Variants in RYR2 observed in about 807,000 individuals in gnomAD.
The protein encoded by RYR2 is cardiac muscle ryanodine receptor-calcium release channel.
RYR2 carries 227 observed loss-of-function variants against 601.1 expected under a neutral mutation model. That is an observed-to-expected ratio of 0.38 (90% CI 0.34 to 0.42). RYR2 has a LOEUF of 0.42. Ranked by LOEUF, RYR2 falls within the 10% of genes least tolerant of loss-of-function variation. The pLI, the probability that RYR2 is intolerant of heterozygous loss-of-function variation, is 1.00. For synonymous variants in RYR2, 2,223 were observed against 2,175.1 expected (o/e 1.02, Z -0.61); for missense variants, 4,646 against 6,156.5 (o/e 0.75, Z 8.21).
At chr1:237,099,604 G>A (rs1667859321) in intron 1 of RYR2, among the ~76,000 whole-genome samples, 1 of 152,160 alleles carries the variant, frequency 6.6e-6, no homozygotes, top group Non-Finnish European at 1.5e-5. Flanking sequence ...AGGGCATAAT[G>A]TACAAGGAAA....
At chr1:237,589,706 C>T (rs1674934034) in intron 29 of RYR2, 87 bp from the exon 30 acceptor site, 11 of 1,299,814 alleles carry the variant, frequency 8.5e-6, no homozygotes, top group South Asian at 1.3e-5. Context: ...TCACAAAGTT[C>T]GGTCCTGGAA....
chr1:237,749,838 A>C (rs1449586140), intron 80 of RYR2, among the ~76,000 whole-genome samples: 2 of 152,218 alleles, frequency 1.3e-5, no homozygotes, highest in African/African-American at 4.8e-5. Context: ...AATGTGACAC[A>C]AAAATGTTTT....
intron 8 of RYR2, among the ~76,000 whole-genome samples, chr1:237,379,841 A>G (rs558185685): frequency 1.3e-5 from 2 of 152,290 alleles, no homozygotes; most frequent in African/African-American, 4.8e-5. Flanking sequence ...ATATGGAGCT[A>G]TAAGAGAGCA....
chr1:237,541,521 A>G (rs570974549), intron 25 of RYR2, among the ~76,000 whole-genome samples: 2 of 152,018 alleles, frequency 1.3e-5, no homozygotes, highest in South Asian at 2.1e-4. Flanking sequence ...ATCTTCTAAC[A>G]TACTATCATA....
chr1:237,158,027 A>G (rs943083770), intron 1 of RYR2, among the ~76,000 whole-genome samples: 1 of 152,242 alleles, frequency 6.6e-6, no homozygotes, highest in African/African-American at 2.4e-5. Context: ...TTATGTATCC[A>G]TAAAATAATA....
chr1:237,109,732 AT>A (rs10708675), intron 1 of RYR2, among the ~76,000 whole-genome samples: 107,168 of 146,462 alleles, frequency 0.73, 38,960 homozygotes, highest in East Asian at 0.88. Flanking sequence ...AAAAAAAAAA[AT>A]AATAATAATA....
intron 66 of RYR2, 66 bp from the exon 67 acceptor site, chr1:237,705,147 T>C: frequency 7.0e-7 from 1 of 1,422,598 alleles, no homozygotes; most frequent in Non-Finnish European, 9.7e-7. Context: ...AATTTGCTAA[T>C]TGTAATATGA....
chr1:237,557,561 G>GT (rs373782971), intron 27 of RYR2, among the ~76,000 whole-genome samples: 8,001 of 143,390 alleles, frequency 0.056, 314 homozygotes, highest in African/African-American at 0.12. Flanking sequence ...AGTTGAAACA[G>GT]TTTTTTTTTT....
intron 1 of RYR2, among the ~76,000 whole-genome samples, chr1:237,176,313 A>G (rs1678056945): frequency 6.7e-6 from 1 of 148,684 alleles, no homozygotes; most frequent in Non-Finnish European, 1.5e-5. Context: ...TTTTTTTATT[A>G]ACTCTGGCAC....
intron 17 of RYR2, among the ~76,000 whole-genome samples, chr1:237,491,173 C>T (rs905017516): frequency 6.6e-6 from 1 of 152,120 alleles, no homozygotes; most frequent in Non-Finnish European, 1.5e-5. Context: ...AAAAATACCA[C>T]GATTTTTAAT....
intron 1 of RYR2, among the ~76,000 whole-genome samples, chr1:237,246,132 T>G (rs1290155288): frequency 2.7e-5 from 4 of 147,336 alleles, no homozygotes; most frequent in East Asian, 2.0e-4. Flanking sequence ...GTCTTGCTCT[T>G]TCGCCCGAGC....
intron 78 of RYR2, among the ~76,000 whole-genome samples, chr1:237,732,602 T>G (rs774866329): frequency 4.6e-5 from 7 of 152,176 alleles, no homozygotes; most frequent in Non-Finnish European, 1.0e-4. Context: ...TGGAGGTATC[T>G]CTGAGATCTA....
intron 25 of RYR2, among the ~76,000 whole-genome samples, chr1:237,545,880 T>G (rs1341992392): frequency 2.6e-5 from 4 of 151,644 alleles, no homozygotes; most frequent in Admixed American, 6.6e-5. Context: ...GGCAACAAAG[T>G]GAGACCTTGC....
chr1:237,523,656 G>C (rs1289236521), intron 24 of RYR2, among the ~76,000 whole-genome samples: 1 of 151,938 alleles, frequency 6.6e-6, no homozygotes, highest in Non-Finnish European at 1.5e-5. Context: ...AGAATTGCTT[G>C]AACCTGGGAG....
intron 58 of RYR2, among the ~76,000 whole-genome samples, chr1:237,670,479 A>G (rs1159470285): frequency 6.6e-6 from 1 of 152,232 alleles, no homozygotes; most frequent in African/African-American, 2.4e-5. Flanking sequence ...TGTTTGGCTC[A>G]TGGATGCATG....
At chr1:237,464,932 T>C (rs576543232) in intron 16 of RYR2, among the ~76,000 whole-genome samples, 1 of 152,328 alleles carries the variant, frequency 6.6e-6, no homozygotes, top group Non-Finnish European at 1.5e-5. Context: ...AGTGCTGTGA[T>C]GAGCTTCCTT....
At chr1:237,364,305 C>G (rs1433234906) in intron 4 of RYR2, 53 bp from the exon 5 acceptor site, 2 of 1,529,594 alleles carry the variant, frequency 1.3e-6, no homozygotes, top group Non-Finnish European at 1.8e-6. Context: ...TTAAGGAAGT[C>G]TTTGAGATCG....
chr1:237,287,799 T>A (rs1691725876), intron 2 of RYR2, among the ~76,000 whole-genome samples: 1 of 152,166 alleles, frequency 6.6e-6, no homozygotes, highest in Non-Finnish European at 1.5e-5. Context: ...ACCTCCTGAA[T>A]TCGTTGTCAG....
At chr1:237,611,972 G>C (rs1447451527) in intron 36 of RYR2, among the ~76,000 whole-genome samples, 1 of 151,968 alleles carries the variant, frequency 6.6e-6, no homozygotes, top group Non-Finnish European at 1.5e-5. Context: ...ACTTGTACAT[G>C]AATATTCATA....
Sources: gnomAD v4.1 joint callset for allele counts (sites outside exome capture counted in the v4.1 genomes callset) on GRCh38, gnomAD v4.1.1 for gene constraint, MANE v1.5 for transcripts, NCBI Gene and HGNC (gene_info 2026-07-23, HGNC 2026-07-21) for gene names.